Variants in SMARCD1 observed in about 807,000 individuals in gnomAD.
SMARCD1 encodes SWI/SNF-related matrix-associated actin-dependent regulator of chromatin subfamily D member 1.
In SMARCD1, 16 loss-of-function variants were observed where a neutral mutation model predicts 70.8. That is an observed-to-expected ratio of 0.23 (90% CI 0.15 to 0.34). The LOEUF (loss-of-function observed/expected upper bound fraction) is 0.34. Among genes scored for constraint, SMARCD1 ranks in the 10% least tolerant of loss-of-function variants. The probability of loss-of-function intolerance (pLI) is 1.00; values close to 1 mark genes in which losing one functional copy is unlikely to be tolerated. For missense variants in SMARCD1, 409 were observed against 655.5 expected, an observed-to-expected ratio of 0.62 and a Z score of 4.11; for synonymous variants, 249 against 246.0, an observed-to-expected ratio of 1.01 and a Z score of -0.11.
chr12:50,093,174 TA>T (rs571325943), intron 9 of SMARCD1, among the ~76,000 whole-genome samples: 116 of 142,728 alleles, frequency 8.1e-4, no homozygotes, highest in Admixed American at 9.8e-4. Context: ...AGACTCCATC[TA>T]AAAAAAAAAA....
Position 50,085,381 on chromosome 12 carries a change from G to A in SMARCD1, c.12G>A (p.Arg4=), listed in dbSNP as rs1031387850. MAA[R]AGFQSVAPSG... ...GCGGCTCCGGGAAGATGGCGGCCCG[G>A]GCGGGTTTCCAGTCTGTGGCTCCAA... The change falls in exon 1 of 13, where the codon CGG becomes CGA. Residue 4 remains arginine (R), a synonymous_variant. Transcript: ENST00000394963. 5 of 1,264,698 alleles carry A rather than the reference G, an allele frequency of 4.0e-6. No homozygotes were observed. Among genetic ancestry groups the A allele is most frequent in the Non-Finnish European group, 5.0e-6 (5 of 1,007,316 alleles). 78.3% of individuals were successfully genotyped at this position (1,264,698 alleles called of 1,614,324 possible). A position where few individuals can be genotyped will look rare whatever the true frequency, so the allele number is the denominator to read the frequency against.
chr12:50,092,479 C>T (rs1950854736), intron 9 of SMARCD1, among the ~76,000 whole-genome samples: 1 of 150,548 alleles, frequency 6.6e-6, no homozygotes, highest in Non-Finnish European at 1.5e-5. Context: ...GCCTCGGCCT[C>T]CCAAAGTGCT....
chr12:50,091,503 G>A (rs991424838), intron 9 of SMARCD1, among the ~76,000 whole-genome samples: 5 of 151,238 alleles, frequency 3.3e-5, no homozygotes, highest in Admixed American at 6.6e-5. Context: ...TTGAACTCCC[G>A]ACCTCAGGTG....
chr12:50,095,284 A>C (rs1187907149), intron 10 of SMARCD1, among the ~76,000 whole-genome samples: 1 of 152,104 alleles, frequency 6.6e-6, no homozygotes, highest in Non-Finnish European at 1.5e-5. Flanking sequence ...AACATGAAGG[A>C]GAAAGGGAGG....
chr12:50,090,029 T>TA, intron 7 of SMARCD1, 44 bp downstream of exon 7: 2 of 1,498,452 alleles, frequency 1.3e-6, no homozygotes, highest in Non-Finnish European at 1.9e-6. Context: ...CACAGCCACA[T>TA]ACCGTCAGCA....
At chr12:50,087,554 T>A in intron 5 of SMARCD1, 69 bp downstream of exon 5, 9 of 1,567,792 alleles carry the variant, frequency 5.7e-6, no homozygotes, top group Non-Finnish European at 7.8e-6. Flanking sequence ...TGTTGTCTGG[T>A]CAGCAGGAAG....
chr12:50,095,743 C>T (rs556980689), intron 10 of SMARCD1, among the ~76,000 whole-genome samples: 12 of 152,172 alleles, frequency 7.9e-5, no homozygotes, highest in South Asian at 4.1e-4. Context: ...ATGTAAAGGT[C>T]CAGAGAAGAG....
intron 9 of SMARCD1, among the ~76,000 whole-genome samples, chr12:50,092,425 T>C (rs1264071269): frequency 6.6e-6 from 1 of 151,368 alleles, no homozygotes; most frequent in Non-Finnish European, 1.5e-5. Context: ...GGTTTTACCA[T>C]GTTGGCCAGG....
Position 50,100,428 on chromosome 12 carries a change from T to C in SMARCD1, c.*1428T>C, listed in dbSNP as rs1354649411. On this transcript the variant is annotated 3_prime_UTR_variant, in exon 13 of 13. Coordinates refer to ENST00000394963, the MANE Select transcript of SMARCD1 (RefSeq NM_003076.5). ...TCCCCGTCTTCCCCTTCCTGCCATT[T>C]TCCCTCCCTTGAAAGGTTGACACTG... The C allele has an allele frequency of 3.3e-5, 5 of 152,568 alleles. No homozygotes were observed. Among genetic ancestry groups the C allele is most frequent in the African/African-American group, 4.8e-5 (2 of 41,398 alleles). 9.5% of individuals were successfully genotyped at this position (152,568 alleles called of 1,614,324 possible).
chr12:50,091,564 C>G (rs184625218), intron 9 of SMARCD1, among the ~76,000 whole-genome samples: 1 of 151,048 alleles, frequency 6.6e-6, no homozygotes, highest in Non-Finnish European at 1.5e-5. Context: ...CGTGAGCCAC[C>G]GCGCCCGGCC....
At chr12:50,091,752 T>G (rs1950845791) in intron 9 of SMARCD1, among the ~76,000 whole-genome samples, 1 of 151,968 alleles carries the variant, frequency 6.6e-6, no homozygotes. Context: ...AATTTTTTTA[T>G]ATTTTTAGTA....
Position 50,098,808 on chromosome 12 carries a change from A to G in SMARCD1, c.1487A>G (p.Tyr496Cys). 1.2e-6 allele frequency: 2 copies of G among 1,613,802 alleles called. No individual in the cohort carries two copies. The highest frequency in any genetic ancestry group is 1.7e-6 in the Non-Finnish European group (2 of 1,179,718). Residue 496 changes from tyrosine (Y) to cysteine (C), a missense_variant, in exon 12 of 13, where the codon TAC becomes TGC. This residue lies in a region of SMARCD1 where 269 missense variants were observed against 498.6 expected (regional missense o/e 0.54). Transcript: ENST00000394963. ...WAQEAVCRYFYSKVQQRRQEL... is the reference protein window; with the variant it reads ...WAQEAVCRYFCSKVQQRRQEL... ...CAGGAGGCTGTGTGCCGATACTTCTACTCCAAGGTAAGTACATGGGGTGCA... is the reference window on the plus strand; with the variant it reads ...CAGGAGGCTGTGTGCCGATACTTCTGCTCCAAGGTAAGTACATGGGGTGCA...
At chr12:50,093,125 A>T (rs994936545) in intron 9 of SMARCD1, among the ~76,000 whole-genome samples, 1 of 151,770 alleles carries the variant, frequency 6.6e-6, no homozygotes, top group Admixed American at 6.6e-5. Flanking sequence ...GCAGTGAGCC[A>T]AGACTGCGCC....
chr12:50,096,647 T>C (rs1950895705), intron 10 of SMARCD1: 2 of 542,514 alleles, frequency 3.7e-6, no homozygotes, highest in Admixed American at 3.1e-5. Context: ...ACATGGGGTA[T>C]ACAGAGAGAC....
Position 50,087,257 on chromosome 12 carries a change from A to G in SMARCD1, c.532-106A>G, listed in dbSNP as rs776370700. 4.4e-6 allele frequency: 6 copies of G among 1,364,058 alleles called. No homozygotes were observed. The African/African-American group carries it at 5.8e-5, about 13-fold the overall frequency. The allele number at this position is 1,364,058 out of a possible 1,614,324, so 84.5% of individuals were successfully genotyped here. ...TCCACCCACCCAAGGGACTGGGTAG[A>G]CAGTAAGCCAGTCTGTTAGGAGTAA... On this transcript the variant is annotated intron_variant, in intron 4 of 12. Coordinates refer to ENST00000394963, the MANE Select transcript of SMARCD1 (RefSeq NM_003076.5).
chr12:50,090,729 A>G (rs1950834006), intron 9 of SMARCD1, 139 bp downstream of exon 9: 3 of 564,480 alleles, frequency 5.3e-6, no homozygotes, highest in South Asian at 2.5e-5. Context: ...ATTAAATTAC[A>G]TAAACTTATA....
chr12:50,086,051 C>T, intron 1 of SMARCD1, 110 bp from the exon 2 acceptor site: 1 of 790,078 alleles, frequency 1.3e-6, no homozygotes, highest in South Asian at 3.3e-5. Flanking sequence ...TCCTCCATTC[C>T]ATCCCTAAAC....
Position 50,092,800 on chromosome 12 carries a change from G to A in SMARCD1, c.1134-1637G>A, listed in dbSNP as rs1328712540. Reference sequence around the variant, plus strand: ...TCCTGTAGACCCAGCTACTCCAGAGGCTGAGGTGGGTAGATCACTTGAGTC... The same window carrying A: ...TCCTGTAGACCCAGCTACTCCAGAGACTGAGGTGGGTAGATCACTTGAGTC... On this transcript the variant is annotated intron_variant, in intron 9 of 12. Transcript: ENST00000394963. 3.3e-5 allele frequency among the ~76,000 whole-genome samples: 5 copies of A among 152,098 alleles called. No homozygotes were observed. The East Asian group carries it at 9.7e-4, about 29-fold the overall frequency.
intron 9 of SMARCD1, among the ~76,000 whole-genome samples, chr12:50,092,784 C>T (rs1384913186): frequency 6.6e-6 from 1 of 152,060 alleles, no homozygotes; most frequent in Non-Finnish European, 1.5e-5. Context: ...TTCCTGTAGA[C>T]CCAGCTACTC....
Sources: gnomAD v4.1 joint callset for allele counts (sites outside exome capture counted in the v4.1 genomes callset) on GRCh38, gnomAD v4.1.1 for gene constraint, gnomAD v4.1.1 regional missense constraint, MANE v1.5 for transcripts, NCBI Gene and HGNC (gene_info 2026-07-23, HGNC 2026-07-21) for gene names.